The following BCAS4 variants were observed in gnomAD, a reference collection of about 807,000 sequenced individuals.
The protein encoded by BCAS4 is breast carcinoma amplified sequence 4.
In BCAS4, 9 loss-of-function variants were observed where a neutral mutation model predicts 15.7. That is an observed-to-expected ratio of 0.57 (90% CI 0.34 to 1.00). The LOEUF is 1.00. Among genes scored for constraint, BCAS4 ranks in the 50% least tolerant of loss-of-function variants. The probability of loss-of-function intolerance (pLI) is 0.02; values close to 1 mark genes in which losing one functional copy is unlikely to be tolerated. For missense variants in BCAS4, 225 were observed against 239.1 expected (o/e 0.94, Z 0.39); for synonymous variants, 101 against 99.5 (o/e 1.02, Z -0.09).
At chr20:50,808,152 TC>T (rs911234391) in intron 1 of BCAS4, among the ~76,000 whole-genome samples, 1 of 152,184 alleles carries the variant, frequency 6.6e-6, no homozygotes, top group Non-Finnish European at 1.5e-5. Flanking sequence ...GACCTCGTGA[TC>T]CGCCCGCCTT....
At position 50,823,718 on chromosome 20, in the gene BCAS4, G is replaced by A. The variant is rs140010479; in HGVS notation, c.162+5436G>A. Among the ~76,000 whole-genome samples the A allele has an allele frequency of 1.1e-4, 16 of 152,236 alleles. No homozygotes were observed. The East Asian group carries it at 2.7e-3, about 26-fold the overall frequency. On this transcript the variant is annotated intron_variant, in intron 2 of 4. Coordinates refer to ENST00000371608, the MANE Select transcript of BCAS4 (RefSeq NM_198799.4). ...CTTGACACAAGAATACATTCTGTGC[G>A]ATTCCACTAGTCTGAAGTTCAGGAA... is the stretch of plus-strand genomic sequence containing the variant.
intron 4 of BCAS4, among the ~76,000 whole-genome samples, chr20:50,871,779 G>A (rs1180363815): frequency 6.6e-6 from 1 of 152,156 alleles, no homozygotes; most frequent in African/African-American, 2.4e-5. Flanking sequence ...AACCTCTGGG[G>A]AGAGCATCCC....
At chr20:50,840,576 T>C in intron 3 of BCAS4, 1 of 1,548,938 alleles carries the variant, frequency 6.5e-7, no homozygotes, top group Non-Finnish European at 8.9e-7. Flanking sequence ...AAGGCAATGC[T>C]TGTGGAATGT....
chr20:50,819,132 G>C (rs866918291), intron 2 of BCAS4, among the ~76,000 whole-genome samples: 4 of 151,994 alleles, frequency 2.6e-5, no homozygotes, highest in Non-Finnish European at 4.4e-5. Flanking sequence ...GCAGTGAGCT[G>C]AGATTGCGCC....
intron 1 of BCAS4, among the ~76,000 whole-genome samples, chr20:50,814,866 G>C (rs1411067491): frequency 6.6e-6 from 1 of 152,162 alleles, no homozygotes; most frequent in Non-Finnish European, 1.5e-5. Flanking sequence ...TCAGCACTTT[G>C]GGAGGCTGAG....
At chr20:50,841,018 C>T (rs1018631686) in intron 3 of BCAS4, 28 of 386,064 alleles carry the variant, frequency 7.3e-5, no homozygotes, top group Admixed American at 6.0e-4. Context: ...TTAGCAGAGA[C>T]GCAGTTTCAC....
intron 1 of BCAS4, among the ~76,000 whole-genome samples, chr20:50,795,802 G>T (rs2087849240): frequency 6.6e-6 from 1 of 152,234 alleles, no homozygotes; most frequent in Non-Finnish European, 1.5e-5. Context: ...TAAAGGCTAT[G>T]CACCCCTTTC....
At chr20:50,808,488 G>T (rs1008237537) in intron 1 of BCAS4, among the ~76,000 whole-genome samples, 1 of 152,166 alleles carries the variant, frequency 6.6e-6, no homozygotes, top group Non-Finnish European at 1.5e-5. Context: ...GTGTAAAAGT[G>T]TTCCTTTTCA....
intron 4 of BCAS4, among the ~76,000 whole-genome samples, chr20:50,875,602 TAAAAAAAAAAA>T (rs3971637): frequency 9.9e-6 from 1 of 100,560 alleles, no homozygotes; most frequent in African/African-American, 3.2e-5. Flanking sequence ...TCATCTCTAC[TAAAAAAAAAAA>T]AAAAAAAAAG....
At chr20:50,812,360 C>G (rs2088078278) in intron 1 of BCAS4, among the ~76,000 whole-genome samples, 1 of 150,370 alleles carries the variant, frequency 6.7e-6, no homozygotes, top group Admixed American at 6.6e-5. Context: ...GTCTCGATCT[C>G]CTGACGTTGT....
intron 1 of BCAS4, among the ~76,000 whole-genome samples, chr20:50,816,660 C>A (rs71351211): frequency 1.3e-5 from 2 of 152,058 alleles, no homozygotes; most frequent in Non-Finnish European, 2.9e-5. Context: ...GGTTTTATTT[C>A]TTCTTCTTTT....
intron 1 of BCAS4, 143 bp downstream of exon 1, chr20:50,795,316 G>A: frequency 1.3e-6 from 1 of 767,354 alleles, no homozygotes; most frequent in Non-Finnish European, 1.8e-6. Flanking sequence ...GGTGGCTGCG[G>A]GGCGCCACGC....
At chr20:50,874,458 G>A (rs1297636061) in intron 4 of BCAS4, among the ~76,000 whole-genome samples, 1 of 152,210 alleles carries the variant, frequency 6.6e-6, no homozygotes, top group Non-Finnish European at 1.5e-5. Context: ...CCCCATCTGG[G>A]TTCCCCAGGC....
intron 4 of BCAS4, among the ~76,000 whole-genome samples, chr20:50,870,628 C>T (rs1600905838): frequency 6.6e-6 from 1 of 152,182 alleles, no homozygotes; most frequent in East Asian, 1.9e-4. Flanking sequence ...GACTGTGGGC[C>T]CGGAGTTGCC....
chr20:50,873,253 G>A (rs1335704473), intron 4 of BCAS4, among the ~76,000 whole-genome samples: 1 of 152,216 alleles, frequency 6.6e-6, no homozygotes, highest in Non-Finnish European at 1.5e-5. Flanking sequence ...GGAGGAGACA[G>A]AAACTCCATC....
chr20:50,825,941 A>C (rs1040490), intron 2 of BCAS4, among the ~76,000 whole-genome samples: 3 of 151,944 alleles, frequency 2.0e-5, no homozygotes, highest in Non-Finnish European at 4.4e-5. Flanking sequence ...AGACTTCTTT[A>C]TTCCCAATTC....
At chr20:50,804,010 C>T (rs2087960446) in intron 1 of BCAS4, among the ~76,000 whole-genome samples, 1 of 152,020 alleles carries the variant, frequency 6.6e-6, no homozygotes, top group African/African-American at 2.4e-5. Flanking sequence ...GGGAGGATCC[C>T]ATGAAGCAGA....
chr20:50,828,164 C>A (rs1052518931), intron 2 of BCAS4, among the ~76,000 whole-genome samples: 2 of 151,980 alleles, frequency 1.3e-5, no homozygotes, highest in African/African-American at 4.8e-5. Flanking sequence ...CACATGCCAC[C>A]CTCTCAGGGC....
chr20:50,875,829 C>T (rs939477618), intron 4 of BCAS4, among the ~76,000 whole-genome samples: 6 of 152,078 alleles, frequency 3.9e-5, no homozygotes, highest in African/African-American at 1.2e-4. Context: ...GCCACTGTAC[C>T]CAGGCTCTGA....
Sources: allele counts gnomAD v4.1 joint callset (sites outside exome capture counted in the v4.1 genomes callset), GRCh38; gene constraint gnomAD v4.1.1; transcripts MANE v1.5; gene names NCBI Gene and HGNC (gene_info 2026-07-23, HGNC 2026-07-21).